The following UMODL1 variants were observed in gnomAD, a reference collection of about 807,000 sequenced individuals.
UMODL1 encodes the protein uromodulin-like 1.
UMODL1 carries 128 observed loss-of-function variants against 136.3 expected under a neutral mutation model. That is an observed-to-expected ratio of 0.94 (90% CI 0.81 to 1.09). UMODL1 has a LOEUF of 1.09. UMODL1 is among the 50% of genes least tolerant of loss of function. The pLI is 0.00. For synonymous variants in UMODL1, 721 were observed against 720.0 expected, an observed-to-expected ratio of 1.00 and a Z score of -0.02; for missense variants, 1,766 against 1,725.6, an observed-to-expected ratio of 1.02 and a Z score of -0.41.
intron 6 of UMODL1, among the ~76,000 whole-genome samples, chr21:42,095,218 C>A (rs137965751): frequency 1.0e-3 from 154 of 150,688 alleles, no homozygotes; most frequent in African/African-American, 3.6e-3. Context: ...GCTCAGCCCC[C>A]CAAGTAGCTG....
At chr21:42,137,362 A>G in intron 21 of UMODL1, 77 bp from the exon 22 acceptor site, 1 of 1,559,560 alleles carries the variant, frequency 6.4e-7, no homozygotes, top group Non-Finnish European at 8.8e-7. Context: ...TCAGCCCCGG[A>G]TCCGGGTGGA....
At chr21:42,134,244 G>GTA (rs2067173249) in intron 21 of UMODL1, among the ~76,000 whole-genome samples, 1 of 152,232 alleles carries the variant, frequency 6.6e-6, no homozygotes, top group African/African-American at 2.4e-5. Context: ...AGGTAACCCT[G>GTA]TATATTGACA....
intron 11 of UMODL1, 75 bp downstream of exon 11, chr21:42,111,196 C>T: frequency 6.5e-7 from 1 of 1,536,114 alleles, no homozygotes; most frequent in African/African-American, 1.4e-5. Context: ...AGGGGAGCCC[C>T]AGCCAGGGGA....
chr21:42,119,691 T>A (rs543898642), intron 15 of UMODL1, among the ~76,000 whole-genome samples: 1 of 152,246 alleles, frequency 6.6e-6, no homozygotes, highest in African/African-American at 2.4e-5. Flanking sequence ...TAAAGATAAT[T>A]AACGAGAAAA....
In UMODL1 at chr21:42,123,992, T is replaced by C. The variant is rs2067016847; in HGVS notation, c.3147+842T>C. 6.6e-6 allele frequency among the ~76,000 whole-genome samples: 1 copy of C among 152,174 alleles called. No individual in the cohort carries two copies. Among genetic ancestry groups the C allele is most frequent in the Admixed American group, 6.5e-5 (1 of 15,284 alleles). On this transcript the variant is annotated intron_variant, in intron 17 of 22. Transcript: ENST00000408910. The surrounding 1 kb of genome is among the most constrained non-coding windows in gnomAD (Gnocchi z 4.4). ...CGCACCTCTGTGTGCACAGATGGGC[T>C]CTGGCACCTCCCCTTGCAGGTGACT...
intron 12 of UMODL1, 122 bp from the exon 13 acceptor site, chr21:42,113,451 C>T (rs996186708): frequency 7.7e-5 from 97 of 1,257,584 alleles, no homozygotes; most frequent in Non-Finnish European, 1.3e-5. Context: ...ACCTCGGCGG[C>T]CATCACCTGC....
intron 22 of UMODL1, among the ~76,000 whole-genome samples, chr21:42,140,749 C>T (rs1340059342): frequency 6.6e-6 from 1 of 152,180 alleles, no homozygotes; most frequent in East Asian, 1.9e-4. Flanking sequence ...CTGAGCCTCC[C>T]CGGGAGGCAG....
Position 42,088,398 on chromosome 21 carries a change from G to A in UMODL1, c.708G>A (p.Arg236=). ...CGCGGCTGCTACTGGGCCTGCCACGGCCACTGCCTGTGGCTGACGTCTCCA... is the reference window on the plus strand; with the variant it reads ...CGCGGCTGCTACTGGGCCTGCCACGACCACTGCCTGTGGCTGACGTCTCCA... ...TVSRLLLGLP[R]PLPVADVSTL... is the part of the protein sequence containing the mutation. Residue 236 remains arginine, a synonymous_variant, in exon 5 of 23, where the codon CGG becomes CGA. Coordinates refer to ENST00000408910, the MANE Select transcript of UMODL1 (RefSeq NM_001004416.3). 1 of 1,614,002 alleles carries A rather than the reference G, an allele frequency of 6.2e-7. No individual in the cohort carries two copies. Among genetic ancestry groups the A allele is most frequent in the Non-Finnish European group, 8.5e-7 (1 of 1,180,006 alleles).
At position 42,119,244 on chromosome 21, in the gene UMODL1, A is replaced by G. The variant is rs2146521968; in HGVS notation, c.2609A>G (p.Gln870Arg). 6.2e-7 allele frequency: 1 copy of G among 1,614,242 alleles called. No individual in the cohort carries two copies. Among genetic ancestry groups the G allele is most frequent in the East Asian group, 2.2e-5 (1 of 44,894 alleles). Reference protein sequence around the residue: ...HLLIIADVDVQEVSAAFLTAF... With the variant: ...HLLIIADVDVREVSAAFLTAF... ...CTGATAATCGCAGATGTGGATGTCC[A>G]GGAGGTGTCAGCTGCATTTCTCACC... Residue 870 changes from glutamine to arginine, a missense_variant, in exon 15 of 23, where the codon CAG becomes CGG. Physicochemically the swap from Gln to Arg is conservative, Grantham distance 43 (BLOSUM62 1). Coordinates refer to ENST00000408910, the MANE Select transcript of UMODL1 (RefSeq NM_001004416.3).
intron 9 of UMODL1, among the ~76,000 whole-genome samples, chr21:42,105,271 C>A (rs937805055): frequency 2.0e-5 from 3 of 152,206 alleles, no homozygotes; most frequent in Admixed American, 6.5e-5. Context: ...GGTATGCCCC[C>A]AGCAGGGTCC....
chr21:42,077,337 G>A (rs901609556), intron 2 of UMODL1, among the ~76,000 whole-genome samples: 2 of 151,994 alleles, frequency 1.3e-5, no homozygotes, highest in African/African-American at 4.8e-5. Flanking sequence ...ACTTTGAGAC[G>A]AATTAAGAGT....
intron 12 of UMODL1, among the ~76,000 whole-genome samples, chr21:42,113,288 T>C (rs188975752): frequency 1.3e-4 from 20 of 151,462 alleles, no homozygotes; most frequent in African/African-American, 4.4e-4. Flanking sequence ...GGCCTTCATT[T>C]TGGGGAGTCC....
At position 42,084,159 on chromosome 21, in the gene UMODL1, C is replaced by A. The variant is rs200091110; in HGVS notation, c.395C>A (p.Pro132His). Residue 132 changes from proline (P) to histidine (H), a missense_variant, in exon 3 of 23, where the codon CCC becomes CAC. Transcript: ENST00000408910. ...PAEGPEPSTSPCSLDIDCPGL... is the reference protein window; with the variant it reads ...PAEGPEPSTSHCSLDIDCPGL... The stretch of plus-strand genomic sequence containing the variant: ...GAGGGGCCTGAACCATCCACCTCCC[C>A]CTGCAGCTTGGACATCGACTGTCCT... 2 of 1,614,052 alleles carry A rather than the reference C, an allele frequency of 1.2e-6. No individual in the cohort carries two copies. Among genetic ancestry groups the A allele is most frequent in the African/African-American group, 1.3e-5 (1 of 74,952 alleles).
At chr21:42,128,347 CTG>C (rs574836061) in intron 20 of UMODL1, among the ~76,000 whole-genome samples, 32 of 152,304 alleles carry the variant, frequency 2.1e-4, no homozygotes, top group Non-Finnish European at 4.1e-4. Flanking sequence ...GGTTTGAAAA[CTG>C]TGCTTTATAT....
chr21:42,127,208 C>G lies in UMODL1; in HGVS notation c.3496C>G (p.Arg1166Gly). The G allele has an allele frequency of 1.2e-6, 2 of 1,614,026 alleles. No individual in the cohort carries two copies. The highest frequency in any genetic ancestry group is 1.7e-6 in the Non-Finnish European group (2 of 1,180,020). The change falls in exon 19 of 23, where the codon CGG (arginine) becomes GGG (glycine). Residue 1166 changes from arginine to glycine, a missense_variant. Transcript: ENST00000408910. ...ECWATPSSNA[R>G]DPITFSFINN... is the part of the protein sequence containing the mutation. ...CTGGGCAACCCCGTCTAGCAACGCC[C>G]GGGACCCCATCACCTTCAGCTTCAT...
Position 42,127,036 on chromosome 21 carries a change from C to T in UMODL1, c.3324C>T (p.Gly1108=), listed in dbSNP as rs201468176. The T allele has an allele frequency of 2.7e-4, 439 of 1,614,064 alleles. No individual in the cohort carries two copies. Among genetic ancestry groups the T allele is most frequent in the African/African-American group, 1.8e-3 (137 of 74,920 alleles). ...GVYTIIEDLH[G]AGNFVTEMQL... Reference sequence around the variant, plus strand: ...ACACCATCATCGAGGACCTCCACGGCGCTGGGAATTTTGTTACCGAAATGC... The same window carrying T: ...ACACCATCATCGAGGACCTCCACGGTGCTGGGAATTTTGTTACCGAAATGC... Residue 1108 remains glycine, a synonymous_variant, in exon 19 of 23, where the codon GGC becomes GGT. Transcript: ENST00000408910.
Position 42,084,225 on chromosome 21 carries a change from G to A in UMODL1, c.461G>A (p.Cys154Tyr). ...KCCPWSGGRY[C>Y]MAPAPQAPER... ...TGCCCCTGGTCAGGGGGGCGCTACT[G>A]CATGGCCCCTGCACCCCAAGGTAGG... Residue 154 changes from cysteine (C) to tyrosine (Y), a missense_variant, in exon 3 of 23, where the codon TGC (cysteine) becomes TAC (tyrosine). Coordinates refer to ENST00000408910, the MANE Select transcript of UMODL1 (RefSeq NM_001004416.3). 1.2e-6 allele frequency: 2 copies of A among 1,613,578 alleles called. No homozygotes were observed. The highest frequency in any genetic ancestry group is 1.7e-5 in the Admixed American group (1 of 60,018).
At chr21:42,120,958 T>C in intron 15 of UMODL1, 129 bp from the exon 16 acceptor site, 1 of 1,218,934 alleles carries the variant, frequency 8.2e-7, no homozygotes, top group East Asian at 2.4e-5. Context: ...ACTGGTGAGC[T>C]TGACTGCAGT....
intron 9 of UMODL1, among the ~76,000 whole-genome samples, chr21:42,107,235 G>A (rs1175713890): frequency 6.6e-6 from 1 of 152,194 alleles, no homozygotes; most frequent in Non-Finnish European, 1.5e-5. Flanking sequence ...GCTTCTATGA[G>A]GCACCGCTGT....
Sources: allele counts gnomAD v4.1 joint callset (sites outside exome capture counted in the v4.1 genomes callset), GRCh38; gene constraint gnomAD v4.1.1; non-coding constraint Gnocchi (gnomAD v3.1); transcripts MANE v1.5; gene names NCBI Gene and HGNC (gene_info 2026-07-23, HGNC 2026-07-21).